The following IRF3 variants were observed in gnomAD, a reference collection of about 807,000 sequenced individuals.
IRF3 encodes interferon regulatory factor 3.
In IRF3, 29 loss-of-function variants were observed where a neutral mutation model predicts 43.2. The observed-to-expected ratio is 0.67, with a 90% CI of 0.50 to 0.91. The LOEUF is 0.91. Ranked by LOEUF, IRF3 falls within the 40% of genes least tolerant of loss-of-function variation. IRF3 has a pLI of 0.00. For synonymous variants in IRF3, 228 were observed against 233.9 expected (o/e 0.97, Z 0.23); for missense variants, 505 against 559.1 (o/e 0.90, Z 0.98).
Position 49,665,656 on chromosome 19 carries a change from G to A in IRF3, c.-34C>T, listed in dbSNP as rs151315907. On this transcript the variant is annotated 5_prime_UTR_variant, in exon 1 of 8. Coordinates refer to ENST00000377139, the MANE Select transcript of IRF3 (RefSeq NM_001571.6). Reference sequence around the variant, plus strand: ...CTACGATGGAAGGTCGGGGCGTGCGGGCAGCTGGAACCCACCCCTGTCTTG... The same window carrying A: ...CTACGATGGAAGGTCGGGGCGTGCGAGCAGCTGGAACCCACCCCTGTCTTG... The A allele has an allele frequency of 3.8e-5, 33 of 862,960 alleles. No homozygotes were observed. The highest frequency in any genetic ancestry group is 3.3e-4 in the East Asian group (13 of 38,944). The allele number at this position is 862,960 out of a possible 1,614,324, so 53.5% of individuals were successfully genotyped here.
rs1568452113 is a variant in IRF3, at chr19:49,660,029, C to CA, written c.1099-197_1099-196insT. ...CACACACACACACACACACACACAC[C>CA]CCCTGCTGTAACTGAACCATAGGCC... On this transcript the variant is annotated intron_variant, in intron 7 of 7. Transcript: ENST00000377139. 1.5e-3 allele frequency among the ~76,000 whole-genome samples: 71 copies of CA among 48,564 alleles called. 3 individuals carry two copies. The highest frequency in any genetic ancestry group is 2.5e-3 in the East Asian group (5 of 1,990). The allele number at this position is 48,564 out of a possible 152,430, so 31.9% of individuals were successfully genotyped here.
Position 49,662,543 on chromosome 19 carries a change from A to G in IRF3, c.483T>C (p.Ala161=). 2 of 1,534,090 alleles carry G rather than the reference A, an allele frequency of 1.3e-6. No homozygotes were observed. Among genetic ancestry groups the G allele is most frequent in the Non-Finnish European group, 1.7e-6 (2 of 1,144,866 alleles). The change falls in exon 5 of 8, where the codon GCT becomes GCC. Residue 161 remains alanine, a synonymous_variant. Transcript: ENST00000377139. ...PLPDPGPPSL[A]VAPEPCPQPL... ...GCTGAGGGCAGGGCTCAGGGGCTAC[A>G]GCCAGGCTTGGGGGTCCCGGATCTG...
Position 49,660,835 on chromosome 19 carries a change from G to T in IRF3, c.983-7C>A. Reference sequence around the variant, plus strand: ...TCCGTGAAGGTAATCAGATCTGGGGGCCCAGGAGCCTAGTCAGGGATGAGA... The same window carrying T: ...TCCGTGAAGGTAATCAGATCTGGGGTCCCAGGAGCCTAGTCAGGGATGAGA... On this transcript the variant is annotated splice_region_variant and splice_polypyrimidine_tract_variant and intron_variant, in intron 6 of 7. Transcript: ENST00000377139. 6.3e-7 allele frequency: 1 copy of T among 1,585,646 alleles called. No homozygotes were observed. The highest frequency in any genetic ancestry group is 8.6e-7 in the Non-Finnish European group (1 of 1,166,124).
intron 2 of IRF3, 57 bp from the exon 3 acceptor site, chr19:49,663,571 G>T (rs1247240704): frequency 2.5e-6 from 4 of 1,568,904 alleles, no homozygotes; most frequent in African/African-American, 1.3e-5. Context: ...CCTGCTCCTG[G>T]GGCCCTAACC....
intron 7 of IRF3, 126 bp from the exon 8 acceptor site, chr19:49,659,959 C>T (rs2081208194): frequency 1.2e-6 from 1 of 802,662 alleles, no homozygotes; most frequent in Non-Finnish European, 1.8e-6. Flanking sequence ...AACCATAGGC[C>T]TAGGGCTGCT....
intron 4 of IRF3, 116 bp from the exon 5 acceptor site, chr19:49,662,733 A>G: frequency 2.4e-6 from 2 of 825,302 alleles, no homozygotes; most frequent in Admixed American, 3.1e-5. Context: ...TCTGCCTTCA[A>G]GGGGCTTCCA....
chr19:49,665,646 G>C lies in IRF3; in HGVS notation c.-24C>G. 2.6e-6 allele frequency: 2 copies of C among 760,960 alleles called. No individual in the cohort carries two copies. Among genetic ancestry groups the C allele is most frequent in the Non-Finnish European group, 2.1e-6 (1 of 484,606 alleles). The allele number at this position is 760,960 out of a possible 1,614,324, so 47.1% of individuals were successfully genotyped here. On this transcript the variant is annotated 5_prime_UTR_variant, in exon 1 of 8. Coordinates refer to ENST00000377139, the MANE Select transcript of IRF3 (RefSeq NM_001571.6). The stretch of plus-strand genomic sequence containing the variant: ...TCCGCGTTACCTACGATGGAAGGTC[G>C]GGGCGTGCGGGCAGCTGGAACCCAC...
chr19:49,664,465 G>A (rs2081539879), intron 2 of IRF3: 2 of 1,527,138 alleles, frequency 1.3e-6, no homozygotes, highest in East Asian at 2.5e-5. Context: ...TTTTATTCCC[G>A]TAACCCTGCA....
intron 4 of IRF3, 95 bp from the exon 5 acceptor site, chr19:49,662,712 C>G (rs911285231): frequency 9.7e-7 from 1 of 1,032,366 alleles, no homozygotes; most frequent in Non-Finnish European, 1.4e-6. Flanking sequence ...GCAGGGAGGT[C>G]AGGCTTGAGC....
intron 2 of IRF3, chr19:49,664,421 T>A: frequency 6.8e-7 from 1 of 1,463,092 alleles, no homozygotes. Context: ...ACCCCCAGGA[T>A]GCATTTCCTT....
chr19:49,661,149 G>A, intron 6 of IRF3: 1 of 376,360 alleles, frequency 2.7e-6, no homozygotes. Flanking sequence ...AGGCTGCATT[G>A]TCCAATTGCA....
intron 6 of IRF3, 140 bp downstream of exon 6, chr19:49,661,808 T>C: frequency 9.9e-7 from 1 of 1,012,120 alleles, no homozygotes; most frequent in Non-Finnish European, 1.4e-6. Context: ...CTCGAACTCC[T>C]GAACTTGTCA....
chr19:49,664,509 G>C, intron 2 of IRF3, 165 bp downstream of exon 2: 3 of 1,572,616 alleles, frequency 1.9e-6, no homozygotes, highest in Non-Finnish European at 1.7e-6. Flanking sequence ...CCATCAGTCA[G>C]CGGATCCGGC....
intron 2 of IRF3, chr19:49,663,789 C>T (rs946499849): frequency 5.2e-5 from 21 of 406,992 alleles, no homozygotes; most frequent in Non-Finnish European, 8.1e-5. Flanking sequence ...TCCGCCTCCC[C>T]GGTTCAAGCG....
intron 6 of IRF3, chr19:49,661,030 C>G (rs1413785869): frequency 6.9e-6 from 4 of 577,564 alleles, no homozygotes; most frequent in Non-Finnish European, 1.2e-5. Context: ...AAGGCCACAC[C>G]CCCAAGCCCC....
rs2081521381 is a variant in IRF3 at position 49,664,311 on chromosome 19, A to G, written c.165+363T>C. On this transcript the variant is annotated intron_variant, in intron 2 of 7. Coordinates refer to ENST00000377139, the MANE Select transcript of IRF3 (RefSeq NM_001571.6). ...GCATATACTAATTCGGTAGTTAGGA[A>G]CCTCAGATTTGGGGCTCCAGGCCTC... The G allele has an allele frequency of 5.2e-6, 3 of 576,350 alleles. No homozygotes were observed. In the Admixed American group the frequency reaches 7.2e-5, roughly 14 times the overall value. The allele number at this position is 576,350 out of a possible 1,614,324, so 35.7% of individuals were successfully genotyped here.
At chr19:49,660,586 G>A (rs2122585451) in intron 7 of IRF3, 127 bp downstream of exon 7, 1 of 965,964 alleles carries the variant, frequency 1.0e-6, no homozygotes, top group East Asian at 2.9e-5. Context: ...TGAAAAACTG[G>A]TTATTGCAGA....
rs141496153 is a variant in IRF3 at position 49,659,731 on chromosome 19, G to A, written c.1201C>T (p.Leu401Phe). 1 of 1,613,836 alleles carries A rather than the reference G, an allele frequency of 6.2e-7. No homozygotes were observed. Among genetic ancestry groups the A allele is most frequent in the Non-Finnish European group, 8.5e-7 (1 of 1,179,936 alleles). ...TTGTACTGGTCGGAGGTGAGGGAGA[G>A]TGGGTGGCTGTTGGAAATGTGCAGG... The part of the protein sequence containing the change: ...VDLHISNSHP[L>F]SLTSDQYKAY... Residue 401 changes from leucine (L) to phenylalanine (F), a missense_variant, in exon 8 of 8, where the codon CTC (leucine) becomes TTC (phenylalanine). By Grantham distance (22) the Leu-to-Phe change is conservative. Transcript: ENST00000377139.
chr19:49,663,337 G>A lies in IRF3; in HGVS notation c.337+6C>T, dbSNP rs1176748929. 1.2e-6 allele frequency: 2 copies of A among 1,614,054 alleles called. No individual in the cohort carries two copies. Among genetic ancestry groups the A allele is most frequent in the Non-Finnish European group, 1.7e-6 (2 of 1,180,014 alleles). ...AGCCTCCCACACGAACCCCAAGCTGGCAGACCTGAGTTCACAAACTCGTAG... is the reference window on the plus strand; with the variant it reads ...AGCCTCCCACACGAACCCCAAGCTGACAGACCTGAGTTCACAAACTCGTAG... On this transcript the variant is annotated splice_donor_region_variant and intron_variant, in intron 3 of 7. Coordinates refer to ENST00000377139, the MANE Select transcript of IRF3 (RefSeq NM_001571.6).
Sources: allele counts gnomAD v4.1 joint callset (sites outside exome capture counted in the v4.1 genomes callset), GRCh38; gene constraint gnomAD v4.1.1; transcripts MANE v1.5; gene names NCBI Gene and HGNC (gene_info 2026-07-23, HGNC 2026-07-21).